CFAP299: variants seen among roughly 807,000 people sequenced by gnomAD.
CFAP299 encodes the protein cilia and flagella associated protein 299.
In CFAP299, 21 loss-of-function variants were observed where a neutral mutation model predicts 27.0. The observed-to-expected ratio is 0.78, with a 90% CI of 0.55 to 1.12. CFAP299 has a LOEUF of 1.12. Among genes scored for constraint, CFAP299 ranks in the 50% most tolerant of loss-of-function variants. The probability of loss-of-function intolerance (pLI) is 0.00; values close to 1 mark genes in which losing one functional copy is unlikely to be tolerated. For synonymous variants in CFAP299, 104 were observed against 98.1 expected (o/e 1.06, Z -0.36); for missense variants, 310 against 276.6 (o/e 1.12, Z -0.86).
chr4:80,706,311 G>GA (rs1233090016), intron 3 of CFAP299, among the ~76,000 whole-genome samples: 1 of 151,264 alleles, frequency 6.6e-6, no homozygotes, highest in East Asian at 1.9e-4. Context: ...GGATGTTCCA[G>GA]AACCCCCCTG....
chr4:80,530,508 A>G (rs1733412353), intron 2 of CFAP299, among the ~76,000 whole-genome samples: 1 of 152,124 alleles, frequency 6.6e-6, no homozygotes, highest in African/African-American at 2.4e-5. Context: ...AGTAATGTCT[A>G]TTAAGTCATT....
At chr4:80,800,183 T>C (rs1289415976) in intron 3 of CFAP299, among the ~76,000 whole-genome samples, 1 of 72,648 alleles carries the variant, frequency 1.4e-5, no homozygotes, top group Non-Finnish European at 2.3e-5. Context: ...TATATAATAA[T>C]ATGTAATACT....
intron 4 of CFAP299, among the ~76,000 whole-genome samples, chr4:80,906,778 G>A (rs1251516216): frequency 6.6e-6 from 1 of 152,118 alleles, no homozygotes; most frequent in Non-Finnish European, 1.5e-5. Context: ...CATGTCTCAA[G>A]GCTCCATAGA....
At chr4:80,551,404 T>A (rs1231077816) in intron 2 of CFAP299, among the ~76,000 whole-genome samples, 1 of 152,130 alleles carries the variant, frequency 6.6e-6, no homozygotes, top group African/African-American at 2.4e-5. Flanking sequence ...AGGACATTTT[T>A]AAAGTTCTTT....
At chr4:80,494,717 T>A (rs2110143271) in intron 2 of CFAP299, among the ~76,000 whole-genome samples, 1 of 152,278 alleles carries the variant, frequency 6.6e-6, no homozygotes, top group East Asian at 1.9e-4. Flanking sequence ...TTAAATATAA[T>A]TTTATGTTGA....
Position 80,903,782 on chromosome 4 carries a change from A to G in CFAP299, c.476+33647A>G, listed in dbSNP as rs376428653. On this transcript the variant is annotated intron_variant, in intron 4 of 5. Coordinates refer to ENST00000358105, the MANE Select transcript of CFAP299 (RefSeq NM_152770.3). The stretch of plus-strand genomic sequence containing the variant: ...TCAGTCTATTCAATGGAACACATTA[A>G]TTAATATTGATTAGCTGTAACATAT... 3.1e-4 allele frequency among the ~76,000 whole-genome samples: 47 copies of G among 152,198 alleles called. 1 individual carries two copies. The East Asian group carries it at 9.1e-3, about 29-fold the overall frequency.
chr4:80,770,242 T>C (rs1726132887), intron 3 of CFAP299, among the ~76,000 whole-genome samples: 1 of 152,218 alleles, frequency 6.6e-6, no homozygotes, highest in Non-Finnish European at 1.5e-5. Context: ...AATCTTTTTA[T>C]CATAACCTCT....
At chr4:80,455,395 C>T (rs1266428778) in intron 2 of CFAP299, among the ~76,000 whole-genome samples, 4 of 152,068 alleles carry the variant, frequency 2.6e-5, no homozygotes, top group Non-Finnish European at 5.9e-5. Context: ...TTCACGGGCA[C>T]AAATGAAACA....
intron 5 of CFAP299, among the ~76,000 whole-genome samples, chr4:80,954,765 G>A (rs1244240176): frequency 2.6e-5 from 4 of 151,676 alleles, no homozygotes; most frequent in African/African-American, 7.3e-5. Flanking sequence ...TTTAGGAGGC[G>A]GAGGTGGGCG....
intron 4 of CFAP299, among the ~76,000 whole-genome samples, chr4:80,935,323 C>T (rs1736835196): frequency 6.6e-6 from 1 of 152,094 alleles, no homozygotes; most frequent in Admixed American, 6.6e-5. Flanking sequence ...CTCTACAAGG[C>T]TACAGTAACC....
At chr4:80,948,518 T>C (rs1178314613) in intron 5 of CFAP299, among the ~76,000 whole-genome samples, 1 of 152,100 alleles carries the variant, frequency 6.6e-6, no homozygotes, top group Non-Finnish European at 1.5e-5. Flanking sequence ...CAATATATTA[T>C]TTGGACAAAT....
At chr4:80,660,779 T>C (rs569916732) in intron 3 of CFAP299, among the ~76,000 whole-genome samples, 2 of 152,250 alleles carry the variant, frequency 1.3e-5, no homozygotes, top group Admixed American at 6.5e-5. Flanking sequence ...AAGGGCTCGA[T>C]TGAGTTTGGA....
intron 3 of CFAP299, among the ~76,000 whole-genome samples, chr4:80,587,982 C>A (rs1181995157): frequency 6.6e-6 from 1 of 151,146 alleles, no homozygotes; most frequent in African/African-American, 2.5e-5. Context: ...AAAGTTCTCT[C>A]ATCTAAAACC....
At chr4:80,328,502 G>A in the CFAP299 span, among the ~76,000 whole-genome samples, 1 of 126,596 alleles carries the variant, frequency 7.9e-6, no homozygotes. Flanking sequence ...GTATTGTGTG[G>A]GTAGGTAGGG....
At chr4:80,880,753 A>AAATTAAATT (rs376362208) in intron 4 of CFAP299, among the ~76,000 whole-genome samples, 5 of 147,992 alleles carry the variant, frequency 3.4e-5, no homozygotes, top group South Asian at 4.4e-4. Context: ...AAAATAAAAT[A>AAATTAAATT]AAATTAAATT....
rs144188066 is a variant in CFAP299, at chr4:80,866,684, T to C, written c.334-3309T>C. On this transcript the variant is annotated intron_variant, in intron 3 of 5. Coordinates refer to ENST00000358105, the MANE Select transcript of CFAP299 (RefSeq NM_152770.3). ...ATGATTCTAGAGGGACCCGCACTTA[T>C]AGTCCGCTTGACCTCACTTAAAGTC... 9.3e-3 allele frequency among the ~76,000 whole-genome samples: 1,412 copies of C among 152,258 alleles called. 13 individuals carry two copies. The highest frequency in any genetic ancestry group is 0.032 in the African/African-American group (1,343 of 41,548).
At chr4:80,586,609 G>T (rs895606389) in intron 3 of CFAP299, among the ~76,000 whole-genome samples, 1 of 152,034 alleles carries the variant, frequency 6.6e-6, no homozygotes, top group Non-Finnish European at 1.5e-5. Context: ...ATAGAACATG[G>T]GTCCTCCCTA....
chr4:80,703,413 T>C (rs886266950), intron 3 of CFAP299, among the ~76,000 whole-genome samples: 2 of 151,680 alleles, frequency 1.3e-5, no homozygotes, highest in Non-Finnish European at 3.0e-5. Flanking sequence ...ATCTTTCTTG[T>C]GACCAAGACT....
In CFAP299 at chr4:80,344,475, A is replaced by C. The variant is rs377693932; in HGVS notation, c.111+8596A>C. On this transcript the variant is annotated intron_variant, in intron 1 of 5. Coordinates refer to ENST00000358105, the MANE Select transcript of CFAP299 (RefSeq NM_152770.3). ...AGAAATTGAATCCCTGAGTAGAACA[A>C]TAACAAATTCTGAAATTGAAGCAAC... is the stretch of plus-strand genomic sequence containing the variant. Among the ~76,000 whole-genome samples the C allele has an allele frequency of 5.3e-5, 8 of 152,306 alleles. No individual in the cohort carries two copies. The South Asian group carries it at 1.5e-3, about 28-fold the overall frequency.
Sources: allele counts gnomAD v4.1 joint callset (sites outside exome capture counted in the v4.1 genomes callset), GRCh38; gene constraint gnomAD v4.1.1; transcripts MANE v1.5; gene names NCBI Gene and HGNC (gene_info 2026-07-23, HGNC 2026-07-21).